UCHL3: variants seen among roughly 807,000 people sequenced by gnomAD.
The protein encoded by UCHL3 is ubiquitin C-terminal hydrolase L3, also known as ubiquitin carboxyl-terminal hydrolase isozyme L3.
Under a neutral mutation model 35.8 loss-of-function variants are expected in UCHL3, and 22 were observed. The observed-to-expected ratio is 0.61, with a 90% CI of 0.44 to 0.88. The LOEUF (loss-of-function observed/expected upper bound fraction) is 0.88. UCHL3 is among the 40% of genes least tolerant of loss of function. The pLI is 0.00. For missense variants in UCHL3, 229 were observed against 276.9 expected, an observed-to-expected ratio of 0.83 and a Z score of 1.23; for synonymous variants, 90 against 92.8, an observed-to-expected ratio of 0.97 and a Z score of 0.17.
intron 2 of UCHL3, among the ~76,000 whole-genome samples, chr13:75,559,703 T>G (rs1457790799): frequency 2.0e-5 from 3 of 152,220 alleles, no homozygotes; most frequent in African/African-American, 7.2e-5. Context: ...GCACCTTTTT[T>G]GTTTGTTTTT....
At chr13:75,550,092 A>G (rs1476063861) in intron 2 of UCHL3, 105 bp downstream of exon 2, 1 of 1,561,928 alleles carries the variant, frequency 6.4e-7, no homozygotes, top group African/African-American at 1.4e-5. Flanking sequence ...CTGGGATTTA[A>G]TTTCTTGAGG....
intron 7 of UCHL3, among the ~76,000 whole-genome samples, chr13:75,595,945 C>G (rs1021710848): frequency 7.9e-5 from 12 of 152,020 alleles, no homozygotes; most frequent in African/African-American, 2.2e-4. Context: ...ATAAGACCTT[C>G]TCGAGTTTTA....
chr13:75,570,848 G>T, intron 6 of UCHL3, among the ~76,000 whole-genome samples: 1 of 152,106 alleles, frequency 6.6e-6, no homozygotes, highest in East Asian at 1.9e-4. Flanking sequence ...GGACTTCGAG[G>T]TTATAGTGAC....
intron 6 of UCHL3, among the ~76,000 whole-genome samples, chr13:75,592,365 T>C (rs1263765872): frequency 6.5e-5 from 9 of 138,528 alleles, no homozygotes; most frequent in Non-Finnish European, 1.1e-4. Flanking sequence ...GGCAGCAGCT[T>C]CAAAGCCAAA....
intron 6 of UCHL3, among the ~76,000 whole-genome samples, chr13:75,578,574 G>A (rs1490568520): frequency 6.6e-6 from 1 of 152,020 alleles, no homozygotes; most frequent in African/African-American, 2.4e-5. Flanking sequence ...TTTGAAAATC[G>A]CTTGCCAGTA....
At chr13:75,585,817 G>T (rs1337522444) in intron 6 of UCHL3, among the ~76,000 whole-genome samples, 1 of 151,938 alleles carries the variant, frequency 6.6e-6, no homozygotes, top group East Asian at 1.9e-4. Flanking sequence ...CTGTTTGAAG[G>T]TACTCCGTAA....
intron 2 of UCHL3, among the ~76,000 whole-genome samples, chr13:75,558,865 G>A (rs969391641): frequency 6.6e-6 from 1 of 151,840 alleles, no homozygotes; most frequent in Non-Finnish European, 1.5e-5. Context: ...TATCCTTTTT[G>A]GTTTTTAGAT....
At chr13:75,568,642 A>G (rs1034185470) in intron 5 of UCHL3, among the ~76,000 whole-genome samples, 2 of 152,006 alleles carry the variant, frequency 1.3e-5, no homozygotes, top group South Asian at 2.1e-4. Flanking sequence ...TATTTCACCA[A>G]TAAATTATTG....
chr13:75,592,421 T>TATATATGTATATACATATATAC lies in UCHL3; in HGVS notation c.475-2488_475-2487insGTATATACATATATACATATAT, dbSNP rs1566227790. Among the ~76,000 whole-genome samples, 48 of 43,880 alleles carry TATATATGTATATACATATATAC rather than the reference T, an allele frequency of 1.1e-3. 5 individuals carry two copies. Among genetic ancestry groups the TATATATGTATATACATATATAC allele is most frequent in the Middle Eastern group, 7.2e-3 (1 of 138 alleles). The allele number at this position is 43,880 out of a possible 152,430, so 28.8% of individuals were successfully genotyped here. ...GGAATTTTAATTTTTCCTTCATATA[T>TATATATGTATATACATATATAC]ATATATATATATATATATATATATA... On this transcript the variant is annotated intron_variant, in intron 6 of 8. Coordinates refer to ENST00000377595, the MANE Select transcript of UCHL3 (RefSeq NM_006002.5).
chr13:75,557,574 C>T (rs1439363910), intron 2 of UCHL3, among the ~76,000 whole-genome samples: 1 of 152,054 alleles, frequency 6.6e-6, no homozygotes, highest in African/African-American at 2.4e-5. Context: ...AACCTTTTAT[C>T]CTGCTTGATG....
intron 3 of UCHL3, among the ~76,000 whole-genome samples, chr13:75,564,259 TC>T (rs2031613376): frequency 6.6e-6 from 1 of 151,850 alleles, no homozygotes; most frequent in African/African-American, 2.4e-5. Context: ...CGCGCCATTC[TC>T]CCACCTCAGC....
chr13:75,586,239 T>C (rs2032318925), intron 6 of UCHL3, among the ~76,000 whole-genome samples: 1 of 152,066 alleles, frequency 6.6e-6, no homozygotes, highest in Admixed American at 6.6e-5. Flanking sequence ...TTAAGTAGAC[T>C]TCAGAACAAG....
At chr13:75,564,268 AGCCTCCCGAGTAGCTGGGACTACAGGT>A (rs1442626432) in intron 3 of UCHL3, among the ~76,000 whole-genome samples, 1 of 151,112 alleles carries the variant, frequency 6.6e-6, no homozygotes, top group African/African-American at 2.4e-5. Flanking sequence ...CTCCCACCTC[AGCCTCCCGAGTAGCTGGGACTACAGGT>A]GCCTGCCACC....
At chr13:75,589,581 T>C (rs1166956042) in intron 6 of UCHL3, among the ~76,000 whole-genome samples, 1 of 152,218 alleles carries the variant, frequency 6.6e-6, no homozygotes, top group African/African-American at 2.4e-5. Flanking sequence ...TCTTTGTGCA[T>C]TTTATATGCG....
At chr13:75,578,729 A>G (rs1197464767) in intron 6 of UCHL3, among the ~76,000 whole-genome samples, 1 of 152,158 alleles carries the variant, frequency 6.6e-6, no homozygotes, top group Non-Finnish European at 1.5e-5. Flanking sequence ...TGAAATATTA[A>G]TATGTAATCT....
At chr13:75,586,935 A>G (rs1056233580) in intron 6 of UCHL3, among the ~76,000 whole-genome samples, 1 of 149,462 alleles carries the variant, frequency 6.7e-6, no homozygotes, top group Non-Finnish European at 1.5e-5. Context: ...CAGAGGTTAG[A>G]GGGAAACTAT....
chr13:75,569,620 G>T, intron 6 of UCHL3, 113 bp downstream of exon 6: 1 of 1,019,362 alleles, frequency 9.8e-7, no homozygotes. Context: ...AAAGTTACTT[G>T]GCTTTTTGTT....
chr13:75,605,940 C>A lies in UCHL3; in HGVS notation c.*128C>A. On this transcript the variant is annotated 3_prime_UTR_variant, in exon 9 of 9. Transcript: ENST00000377595. The stretch of plus-strand genomic sequence containing the variant: ...AAACTTTATGTGAGTTAAACTTTGC[C>A]TTAACCTGTGTTTTATGTTATTTTT... 2 of 862,476 alleles carry A rather than the reference C, an allele frequency of 2.3e-6. No homozygotes were observed. Among genetic ancestry groups the A allele is most frequent in the South Asian group, 1.8e-5 (1 of 56,388 alleles). The allele number at this position is 862,476 out of a possible 1,614,324, so 53.4% of individuals were successfully genotyped here. A position where few individuals can be genotyped will look rare whatever the true frequency, so the allele number is the denominator to read the frequency against.
At chr13:75,589,899 C>G in intron 6 of UCHL3, 1 of 1,272,702 alleles carries the variant, frequency 7.9e-7, no homozygotes, top group Non-Finnish European at 1.0e-6. Context: ...CACCCAGTAA[C>G]GTGGTCTAAG....
Sources: gnomAD v4.1 joint callset for allele counts (sites outside exome capture counted in the v4.1 genomes callset) on GRCh38, gnomAD v4.1.1 for gene constraint, MANE v1.5 for transcripts, NCBI Gene and HGNC (gene_info 2026-07-23, HGNC 2026-07-21) for gene names.